CNTNAP5: variants seen among roughly 807,000 people sequenced by gnomAD.
CNTNAP5 encodes contactin-associated protein-like 5.
In CNTNAP5, 72 loss-of-function variants were observed where a neutral mutation model predicts 150.2. The ratio of observed to expected loss-of-function variants is 0.48; its 90% confidence interval spans 0.40 to 0.58. CNTNAP5 has a LOEUF of 0.58. Ranked by LOEUF, CNTNAP5 falls within the 20% of genes least tolerant of loss-of-function variation. The pLI is 0.00. For synonymous variants in CNTNAP5, 672 were observed against 619.8 expected (o/e 1.08, Z -1.25); for missense variants, 1,636 against 1,626.2 (o/e 1.01, Z -0.10).
intron 11 of CNTNAP5, among the ~76,000 whole-genome samples, chr2:124,571,164 G>A (rs1245646970): frequency 6.6e-6 from 1 of 152,000 alleles, no homozygotes; most frequent in Non-Finnish European, 1.5e-5. Flanking sequence ...TTTAGTAGTT[G>A]GACTTCAGTC....
At chr2:124,252,499 G>A (rs186159793) in intron 3 of CNTNAP5, among the ~76,000 whole-genome samples, 5 of 152,276 alleles carry the variant, frequency 3.3e-5, no homozygotes, top group African/African-American at 9.6e-5. Context: ...CCCTCTCTGG[G>A]GAGAGGTGGC....
chr2:124,683,516 G>A (rs1679118143), intron 13 of CNTNAP5, among the ~76,000 whole-genome samples: 1 of 152,120 alleles, frequency 6.6e-6, no homozygotes, highest in Non-Finnish European at 1.5e-5. Flanking sequence ...CCAATGTGTA[G>A]TCTTTTGTCT....
intron 6 of CNTNAP5, among the ~76,000 whole-genome samples, chr2:124,470,948 G>C (rs946839446): frequency 6.6e-6 from 1 of 152,128 alleles, no homozygotes; most frequent in African/African-American, 2.4e-5. Context: ...TCTTATGCCA[G>C]TACCATGCTG....
chr2:124,553,552 A>T (rs973412116), intron 10 of CNTNAP5, among the ~76,000 whole-genome samples: 3 of 151,148 alleles, frequency 2.0e-5, no homozygotes, highest in Non-Finnish European at 3.0e-5. Flanking sequence ...AAAAGGATTG[A>T]TTATGCAGTC....
intron 1 of CNTNAP5, among the ~76,000 whole-genome samples, chr2:124,149,122 A>G (rs1684337762): frequency 6.6e-6 from 1 of 152,078 alleles, no homozygotes; most frequent in Admixed American, 6.6e-5. Flanking sequence ...GCAATGCTTC[A>G]AGGCTGTGGG....
intron 1 of CNTNAP5, among the ~76,000 whole-genome samples, chr2:124,049,969 C>T (rs1418881094): frequency 2.0e-5 from 3 of 152,094 alleles, no homozygotes; most frequent in African/African-American, 4.8e-5. Flanking sequence ...TAATCCCATT[C>T]ATGAGGGCTC....
intron 7 of CNTNAP5, among the ~76,000 whole-genome samples, chr2:124,488,894 G>A (rs958447675): frequency 1.3e-5 from 2 of 152,116 alleles, no homozygotes; most frequent in African/African-American, 4.8e-5. Context: ...CCTGGAGATA[G>A]AGTGTTTGAA....
intron 6 of CNTNAP5, among the ~76,000 whole-genome samples, chr2:124,448,431 A>C (rs960186796): frequency 6.6e-6 from 1 of 152,098 alleles, no homozygotes; most frequent in Non-Finnish European, 1.5e-5. Context: ...TGACTATTCT[A>C]TCTGTGTTGT....
rs368892715 is a variant in CNTNAP5, at chr2:124,669,293, G to A, written c.2077+21335G>A. 4.5e-4 allele frequency among the ~76,000 whole-genome samples: 69 copies of A among 152,286 alleles called. No homozygotes were observed. The South Asian group carries it at 4.8e-3, about 11-fold the overall frequency. ...CAAAGTTTCATCAAGCTCTACAGCCGCCAAATCCCATGGCAATACTAGGAG... is the reference window on the plus strand; with the variant it reads ...CAAAGTTTCATCAAGCTCTACAGCCACCAAATCCCATGGCAATACTAGGAG... On this transcript the variant is annotated intron_variant, in intron 13 of 23. Transcript: ENST00000682447.
chr2:124,305,097 C>T (rs1688651265), intron 3 of CNTNAP5, among the ~76,000 whole-genome samples: 1 of 109,228 alleles, frequency 9.2e-6, no homozygotes, highest in African/African-American at 3.8e-5. Flanking sequence ...GAAACTCCAT[C>T]TGTACAAAAA....
intron 19 of CNTNAP5, among the ~76,000 whole-genome samples, chr2:124,845,043 C>G (rs918861048): frequency 1.6e-4 from 24 of 151,974 alleles, no homozygotes; most frequent in Non-Finnish European, 3.5e-4. Context: ...AGTGGGCATC[C>G]TTGTCTTGTT....
chr2:124,080,529 GAGT>G (rs1365611084), intron 1 of CNTNAP5, among the ~76,000 whole-genome samples: 1 of 152,144 alleles, frequency 6.6e-6, no homozygotes, highest in Non-Finnish European at 1.5e-5. Context: ...ATGTAATCTA[GAGT>G]AGTCATTTCT....
At chr2:124,035,299 T>G (rs990153124) in intron 1 of CNTNAP5, among the ~76,000 whole-genome samples, 3 of 152,128 alleles carry the variant, frequency 2.0e-5, no homozygotes, top group African/African-American at 7.2e-5. Context: ...GCTCCTTTAT[T>G]TTCAATATTC....
At chr2:124,514,948 G>A (rs1694672952) in intron 8 of CNTNAP5, among the ~76,000 whole-genome samples, 1 of 152,170 alleles carries the variant, frequency 6.6e-6, no homozygotes, top group Non-Finnish European at 1.5e-5. Context: ...TTAATGGTTA[G>A]CGTGTGGATG....
intron 11 of CNTNAP5, 22 bp downstream of exon 11, chr2:124,563,345 C>G (rs1322917861): frequency 6.9e-7 from 1 of 1,458,356 alleles, no homozygotes; most frequent in Non-Finnish European, 9.4e-7. Context: ...GATCATTTGC[C>G]CCTGGTGGCT....
intron 1 of CNTNAP5, among the ~76,000 whole-genome samples, chr2:124,149,472 T>TA (rs1684351392): frequency 6.8e-6 from 1 of 146,610 alleles, no homozygotes; most frequent in South Asian, 2.3e-4. Context: ...AAATGGGGGC[T>TA]AATATCACAA....
At chr2:124,763,610 G>C (rs1360549162) in intron 14 of CNTNAP5, 62 bp from the exon 15 acceptor site, 1 of 1,529,208 alleles carries the variant, frequency 6.5e-7, no homozygotes, top group Non-Finnish European at 8.9e-7. Context: ...AGGGGTCATG[G>C]AAAAGAGTCC....
chr2:124,551,141 T>A (rs1414754162), intron 10 of CNTNAP5, among the ~76,000 whole-genome samples: 1 of 152,116 alleles, frequency 6.6e-6, no homozygotes, highest in Admixed American at 6.5e-5. Flanking sequence ...GGCTTCTTCT[T>A]GAACCCCAGC....
At chr2:124,742,374 T>C (rs1463815874) in intron 13 of CNTNAP5, among the ~76,000 whole-genome samples, 1 of 152,164 alleles carries the variant, frequency 6.6e-6, no homozygotes, top group Non-Finnish European at 1.5e-5. Context: ...GCTTAAACTG[T>C]GCCTCTCAGT....
Sources: gnomAD v4.1 joint callset for allele counts (sites outside exome capture counted in the v4.1 genomes callset) on GRCh38, gnomAD v4.1.1 for gene constraint, MANE v1.5 for transcripts, NCBI Gene and HGNC (gene_info 2026-07-23, HGNC 2026-07-21) for gene names.